FANK1: variants seen among roughly 807,000 people sequenced by gnomAD.
FANK1 encodes fibronectin type 3 and ankyrin repeat domains protein 1.
In FANK1, 44 loss-of-function variants were observed where a neutral mutation model predicts 45.3. That is an observed-to-expected ratio of 0.97 (90% CI 0.76 to 1.25). The LOEUF (loss-of-function observed/expected upper bound fraction) is 1.25. Ranked by LOEUF, FANK1 falls within the 50% of genes most tolerant of loss-of-function variation. The pLI is 0.00. For missense variants in FANK1, 391 were observed against 424.4 expected (o/e 0.92, Z 0.69); for synonymous variants, 149 against 152.5 (o/e 0.98, Z 0.17).
chr10:125,902,251 TAAAGTA>T, intron 1 of FANK1, among the ~76,000 whole-genome samples: 1 of 146,236 alleles, frequency 6.8e-6, no homozygotes. Context: ...CCCTAAAACT[TAAAGTA>T]TAATAATAAT....
intron 1 of FANK1, among the ~76,000 whole-genome samples, chr10:125,903,015 T>TA (rs1313499016): frequency 3.9e-5 from 6 of 152,288 alleles, no homozygotes; most frequent in Non-Finnish European, 8.8e-5. Flanking sequence ...ATCAAAATGG[T>TA]AAAATTCATT....
intron 1 of FANK1, among the ~76,000 whole-genome samples, chr10:125,969,220 C>CTT (rs35538865): frequency 6.6e-6 from 1 of 151,652 alleles, no homozygotes; most frequent in Admixed American, 6.6e-5. Flanking sequence ...TTTCTTTTTG[C>CTT]TTTTTTTAGA....
At chr10:125,979,463 C>T (rs1951059554) in intron 1 of FANK1, among the ~76,000 whole-genome samples, 1 of 152,080 alleles carries the variant, frequency 6.6e-6, no homozygotes, top group Non-Finnish European at 1.5e-5. Context: ...TCTAAAAAGG[C>T]GATAATTCAT....
intron 1 of FANK1, among the ~76,000 whole-genome samples, chr10:125,923,673 A>C (rs1947108526): frequency 6.6e-6 from 1 of 151,870 alleles, no homozygotes; most frequent in South Asian, 2.1e-4. Flanking sequence ...GACCACAGGC[A>C]CGTGCCACCA....
At chr10:125,934,045 T>C (rs893574954) in intron 1 of FANK1, among the ~76,000 whole-genome samples, 6 of 152,182 alleles carry the variant, frequency 3.9e-5, no homozygotes, top group African/African-American at 1.4e-4. Context: ...CTTGTTTTAT[T>C]GGCATCTGCA....
At chr10:125,949,812 A>G (rs911214793) in intron 1 of FANK1, among the ~76,000 whole-genome samples, 7 of 149,494 alleles carry the variant, frequency 4.7e-5, no homozygotes, top group African/African-American at 1.5e-4. Context: ...CGCCAAGTCA[A>G]TCCTAAGCCA....
intron 6 of FANK1, among the ~76,000 whole-genome samples, chr10:126,002,123 C>G (rs572107817): frequency 1.6e-4 from 25 of 151,828 alleles, no homozygotes; most frequent in Admixed American, 8.5e-4. Flanking sequence ...CCAGCCTGGC[C>G]AGGCTGGTGA....
At chr10:125,967,688 C>T (rs1950267001) in intron 1 of FANK1, among the ~76,000 whole-genome samples, 1 of 152,200 alleles carries the variant, frequency 6.6e-6, no homozygotes, top group African/African-American at 2.4e-5. Flanking sequence ...ACTGCAGCCT[C>T]AACCTCCTGG....
intron 1 of FANK1, among the ~76,000 whole-genome samples, chr10:125,929,259 G>A (rs1947588166): frequency 6.6e-6 from 1 of 152,192 alleles, no homozygotes; most frequent in Non-Finnish European, 1.5e-5. Context: ...GGGAACAAAG[G>A]CTCTTATGCA....
chr10:125,918,040 A>G (rs1208085445), intron 1 of FANK1, among the ~76,000 whole-genome samples: 8 of 151,760 alleles, frequency 5.3e-5, no homozygotes, highest in Non-Finnish European at 1.2e-4. Context: ...TGATCATGCC[A>G]CTGTACTCCA....
At chr10:125,904,486 C>T (rs1564851680) in intron 1 of FANK1, among the ~76,000 whole-genome samples, 1 of 151,540 alleles carries the variant, frequency 6.6e-6, no homozygotes, top group Non-Finnish European at 1.5e-5. Context: ...GTTGCACAGG[C>T]TGGAGTGCAG....
At chr10:125,981,524 TTTC>T (rs1269887463) in intron 2 of FANK1, among the ~76,000 whole-genome samples, 1 of 151,626 alleles carries the variant, frequency 6.6e-6, no homozygotes. Context: ...AAGTTATGTT[TTTC>T]TTCTTAGTCT....
In FANK1 at chr10:125,911,306, A is replaced by G. The variant is rs186564862; in HGVS notation, c.13+14651A>G. Among the ~76,000 whole-genome samples, 490 of 152,324 alleles carry G rather than the reference A, an allele frequency of 3.2e-3. 2 individuals are homozygous for G. The highest frequency in any genetic ancestry group is 0.011 in the African/African-American group (464 of 41,576). ...AAAGCCGTCAGCAGAAGGAAGAGGC[A>G]TGGAAACGGACTCTCCCCTAGAGCC... On this transcript the variant is annotated intron_variant, in intron 1 of 10. Transcript: ENST00000368693.
At chr10:125,924,670 G>A (rs1457525074) in intron 1 of FANK1, among the ~76,000 whole-genome samples, 2 of 151,940 alleles carry the variant, frequency 1.3e-5, no homozygotes, top group African/African-American at 2.4e-5. Context: ...TTAGCCTGGC[G>A]TGGTGGTGTG....
chr10:125,987,793 G>T (rs1304537968), intron 2 of FANK1, among the ~76,000 whole-genome samples: 1 of 152,130 alleles, frequency 6.6e-6, no homozygotes, highest in Non-Finnish European at 1.5e-5. Context: ...CAAGCAGAAG[G>T]TGGGGTCTTA....
intron 1 of FANK1, among the ~76,000 whole-genome samples, chr10:125,976,009 A>G (rs114211006): frequency 0.018 from 2,703 of 152,278 alleles, 89 homozygotes; most frequent in East Asian, 0.14. Context: ...GATCTCTTAT[A>G]AGGCAGGTCT....
chr10:125,970,226 C>A (rs530608347), intron 1 of FANK1, among the ~76,000 whole-genome samples: 6 of 152,198 alleles, frequency 3.9e-5, no homozygotes, highest in South Asian at 4.1e-4. Context: ...CCCCACCCCC[C>A]AGAGGGGGCG....
intron 1 of FANK1, among the ~76,000 whole-genome samples, chr10:125,937,629 A>T (rs1015378638): frequency 1.3e-5 from 2 of 152,212 alleles, no homozygotes; most frequent in Admixed American, 1.3e-4. Flanking sequence ...AAATAGGATG[A>T]TCTCAGTGAA....
chr10:125,927,694 G>A (rs1947457811), intron 1 of FANK1, among the ~76,000 whole-genome samples: 2 of 152,098 alleles, frequency 1.3e-5, no homozygotes, highest in Non-Finnish European at 2.9e-5. Context: ...GGGATTACAG[G>A]TGCCCACCAC....
Sources: allele counts gnomAD v4.1 joint callset (sites outside exome capture counted in the v4.1 genomes callset), GRCh38; gene constraint gnomAD v4.1.1; transcripts MANE v1.5; gene names NCBI Gene and HGNC (gene_info 2026-07-23, HGNC 2026-07-21).